TRIP12: variants seen among roughly 807,000 people sequenced by gnomAD.
The protein encoded by TRIP12 is E3 ubiquitin-protein ligase TRIP12.
In TRIP12, 25 loss-of-function variants were observed where a neutral mutation model predicts 244.2. The ratio of observed to expected loss-of-function variants is 0.10; its 90% CI spans 0.07 to 0.14. TRIP12 has a LOEUF of 0.14. Ranked by LOEUF, TRIP12 falls within the 10% of genes least tolerant of loss-of-function variation. The probability of loss-of-function intolerance (pLI) is 1.00; values close to 1 mark genes in which losing one functional copy is unlikely to be tolerated. For missense variants in TRIP12, 1,677 were observed against 2,486.4 expected (o/e 0.67, Z 6.92); for synonymous variants, 905 against 873.1 (o/e 1.04, Z -0.64).
rs72987371 is a variant in TRIP12, at chr2:229,775,430, C to T, written c.5530-1169G>A. ...AAAGTTCTCCATTTTCATGTTCCCC[C>T]CACTGGTAAGCTCTCAAAACTATCC... On this transcript the variant is annotated intron_variant, in intron 37 of 41. Coordinates refer to ENST00000675903, the MANE Select transcript of TRIP12 (RefSeq NM_001348323.3). 5.6e-3 allele frequency among the ~76,000 whole-genome samples: 852 copies of T among 151,306 alleles called. 4 individuals are homozygous for T. The highest frequency in any genetic ancestry group is 9.1e-3 in the Non-Finnish European group (617 of 67,790).
At chr2:229,917,380 CAAAAAAAAAAAAAAAAAAAAAAAA>C (rs60397605) in intron 1 of TRIP12, among the ~76,000 whole-genome samples, 969 of 29,300 alleles carry the variant, frequency 0.033, 16 homozygotes, top group Admixed American at 0.065. Context: ...GACTCTGTCT[CAAAAAAAAAAAAAAAAAAAAAAAA>C]AAAAAAAAAA....
chr2:229,912,720 T>C (rs1426157740), intron 1 of TRIP12, among the ~76,000 whole-genome samples: 1 of 152,232 alleles, frequency 6.6e-6, no homozygotes, highest in African/African-American at 2.4e-5. Flanking sequence ...TTAGATGTTG[T>C]GTGCTGTAGT....
intron 1 of TRIP12, among the ~76,000 whole-genome samples, chr2:229,883,179 T>C (rs1170248107): frequency 6.6e-6 from 1 of 152,202 alleles, no homozygotes; most frequent in African/African-American, 2.4e-5. Context: ...AAGTTCCAAG[T>C]AATTTGTTGA....
chr2:229,823,600 C>G (rs569406749), intron 8 of TRIP12, among the ~76,000 whole-genome samples: 1 of 151,290 alleles, frequency 6.6e-6, no homozygotes, highest in South Asian at 2.1e-4. Context: ...GGCGTGAACC[C>G]GGGAGGCGGA....
intron 11 of TRIP12, 90 bp from the exon 12 acceptor site, chr2:229,814,415 A>T: frequency 8.0e-7 from 1 of 1,249,356 alleles, no homozygotes; most frequent in Non-Finnish European, 1.1e-6. Flanking sequence ...ATTTACATCC[A>T]TGTATACTAT....
chr2:229,816,130 C>A (rs911167876), intron 9 of TRIP12, among the ~76,000 whole-genome samples: 6 of 151,920 alleles, frequency 3.9e-5, no homozygotes, highest in African/African-American at 1.5e-4. Context: ...TTGTTAAGTA[C>A]CCTTCAATTA....
intron 4 of TRIP12, among the ~76,000 whole-genome samples, chr2:229,856,325 A>C (rs779896884): frequency 7.2e-5 from 11 of 152,244 alleles, no homozygotes; most frequent in Non-Finnish European, 1.5e-4. Flanking sequence ...TGTGCTGAGC[A>C]GGCTTAATGG....
Position 229,840,938 on chromosome 2 carries a change from A to T in TRIP12, c.1028-11T>A, listed in dbSNP as rs2056273081. On this transcript the variant is annotated splice_polypyrimidine_tract_variant and intron_variant, in intron 4 of 41. Coordinates refer to ENST00000675903, the MANE Select transcript of TRIP12 (RefSeq NM_001348323.3). ...TAGATTTTCTTAAACCTATCCACAG[A>T]AAATGGAAAAGTGTAATTTTATAAT... 3 of 1,560,814 alleles carry T rather than the reference A, an allele frequency of 1.9e-6. No individual in the cohort carries two copies. The highest frequency in any genetic ancestry group is 2.6e-6 in the Non-Finnish European group (3 of 1,154,292).
Position 229,860,487 on chromosome 2 carries a change from T to A in TRIP12, c.143A>T (p.Glu48Val). The A allele has an allele frequency of 6.2e-7, 1 of 1,612,082 alleles. No homozygotes were observed. The highest frequency in any genetic ancestry group is 8.5e-7 in the Non-Finnish European group (1 of 1,179,404). ...QAKHKGYSPP[E>V]SRKSNSKAPK... ...TGCCTTAGAATTAGATTTTCTACTC[T>A]CAGGAGGGCTATATCCCTTATGTTT... The change falls in exon 3 of 42, where the codon GAG becomes GTG. Residue 48 changes from glutamate (E) to valine (V), a missense_variant. By Grantham distance (121) the Glu-to-Val change is moderately radical. Coordinates refer to ENST00000675903, the MANE Select transcript of TRIP12 (RefSeq NM_001348323.3).
At chr2:229,901,599 G>GA (rs1326316072) in intron 1 of TRIP12, among the ~76,000 whole-genome samples, 196 of 143,482 alleles carry the variant, frequency 1.4e-3, no homozygotes, top group African/African-American at 4.8e-3. Flanking sequence ...CTCCAGCCTG[G>GA]GTGACAGAAT....
Position 229,859,526 on chromosome 2 carries a change from T to C in TRIP12, c.273A>G (p.Pro91=). 6.2e-7 allele frequency: 1 copy of C among 1,614,190 alleles called. No homozygotes were observed. Among genetic ancestry groups the C allele is most frequent in the Non-Finnish European group, 8.5e-7 (1 of 1,180,028 alleles). The change falls in exon 4 of 42, where the codon CCA becomes CCG. Residue 91 remains proline (P), a synonymous_variant. Coordinates refer to ENST00000675903, the MANE Select transcript of TRIP12 (RefSeq NM_001348323.3). ...GTCTTTCTGAAGTATTGGCTCTGTC[T>C]GGATCCTCTGGTTGTGGAACTATCA... The part of the protein sequence containing the change: ...SAVIVPQPED[P]DRANTSERQK...
At chr2:229,796,116 C>T (rs1391672342) in intron 25 of TRIP12, among the ~76,000 whole-genome samples, 1 of 152,234 alleles carries the variant, frequency 6.6e-6, no homozygotes, top group Non-Finnish European at 1.5e-5. Flanking sequence ...CACTCTGTGG[C>T]TTTGTAATCC....
chr2:229,783,784 A>C (rs1379818036), intron 34 of TRIP12, among the ~76,000 whole-genome samples: 1 of 151,518 alleles, frequency 6.6e-6, no homozygotes, highest in African/African-American at 2.4e-5. Flanking sequence ...CATGAAATAA[A>C]AGTTGAAAAT....
chr2:229,809,346 A>G (rs1240492909), intron 15 of TRIP12, among the ~76,000 whole-genome samples: 2 of 152,214 alleles, frequency 1.3e-5, no homozygotes, highest in Admixed American at 1.3e-4. Context: ...AAATAGAGAC[A>G]GATAGAAGAG....
At chr2:229,902,395 AAAAG>A (rs1216203874) in intron 1 of TRIP12, among the ~76,000 whole-genome samples, 1 of 152,184 alleles carries the variant, frequency 6.6e-6, no homozygotes, top group African/African-American at 2.4e-5. Flanking sequence ...CACCAAAAAA[AAAAG>A]AATTTTAACA....
chr2:229,920,904 G>A (rs2076403008), intron 1 of TRIP12, among the ~76,000 whole-genome samples: 1 of 152,144 alleles, frequency 6.6e-6, no homozygotes, highest in Admixed American at 6.5e-5. Flanking sequence ...AGGAAGGAGA[G>A]GGGCTGAACT....
chr2:229,818,707 A>C (rs1219234678), intron 8 of TRIP12, among the ~76,000 whole-genome samples, 195 bp from the exon 9 acceptor site: 1 of 152,210 alleles, frequency 6.6e-6, no homozygotes, highest in Non-Finnish European at 1.5e-5. Context: ...CTGCCTTAAC[A>C]TGCTTTCACA....
chr2:229,899,821 T>C (rs550287320), intron 1 of TRIP12, among the ~76,000 whole-genome samples: 2 of 152,310 alleles, frequency 1.3e-5, no homozygotes, highest in South Asian at 4.1e-4. Context: ...CATGAATGAA[T>C]GAGCAATATA....
At chr2:229,888,759 C>A (rs553258310) in intron 1 of TRIP12, among the ~76,000 whole-genome samples, 3 of 151,902 alleles carry the variant, frequency 2.0e-5, no homozygotes, top group African/African-American at 4.8e-5. Flanking sequence ...GCCAAGATTG[C>A]GCCACTGCTC....
Sources: allele counts gnomAD v4.1 joint callset (sites outside exome capture counted in the v4.1 genomes callset), GRCh38; gene constraint gnomAD v4.1.1; transcripts MANE v1.5; gene names NCBI Gene and HGNC (gene_info 2026-07-23, HGNC 2026-07-21).